PRKCZ: variants seen among roughly 807,000 people sequenced by gnomAD.
The protein encoded by PRKCZ is protein kinase C zeta, also known as protein kinase C zeta type.
Under a neutral mutation model 79.5 loss-of-function variants are expected in PRKCZ, and 33 were observed. The observed-to-expected ratio is 0.41, with a 90% CI of 0.31 to 0.55. The LOEUF (loss-of-function observed/expected upper bound fraction) is 0.55, where lower values mean the gene tolerates loss of function less well. Among genes scored for constraint, PRKCZ ranks in the 20% least tolerant of loss-of-function variants. The probability of loss-of-function intolerance (pLI) is 0.19; values close to 1 mark genes in which losing one functional copy is unlikely to be tolerated. For synonymous variants in PRKCZ, 342 were observed against 320.9 expected (o/e 1.07, Z -0.70); for missense variants, 578 against 813.5 (o/e 0.71, Z 3.52).
At chr1:2,136,398 C>T (rs1256587669) in intron 5 of PRKCZ, among the ~76,000 whole-genome samples, 1 of 152,182 alleles carries the variant, frequency 6.6e-6, no homozygotes, top group East Asian at 1.9e-4. Context: ...AGGAGATGAG[C>T]AGGTCAGCAC....
At chr1:2,135,068 G>T in intron 4 of PRKCZ, 194 bp from the exon 5 acceptor site, 1 of 506,864 alleles carries the variant, frequency 2.0e-6, no homozygotes, top group South Asian at 2.4e-5. Context: ...CGCCGAGGCC[G>T]TGACACCATG....
chr1:2,115,517 C>G (rs1358377911), intron 4 of PRKCZ, among the ~76,000 whole-genome samples: 1 of 152,218 alleles, frequency 6.6e-6, no homozygotes, highest in Non-Finnish European at 1.5e-5. Flanking sequence ...TGTTTCCATT[C>G]AGCTCTGACA....
chr1:2,166,680 C>G (rs1184959609), intron 10 of PRKCZ, among the ~76,000 whole-genome samples: 2 of 152,176 alleles, frequency 1.3e-5, no homozygotes, highest in South Asian at 4.1e-4. Context: ...CCTCAGCCCC[C>G]CCCAGGCCAC....
chr1:2,121,094 G>GT (rs371210268), intron 4 of PRKCZ, among the ~76,000 whole-genome samples: 1,874 of 152,300 alleles, frequency 0.012, 47 homozygotes, highest in African/African-American at 0.042. Context: ...GATTACAGGC[G>GT]TGAGCCACTG....
At chr1:2,162,221 C>T (rs1225185657) in intron 10 of PRKCZ, among the ~76,000 whole-genome samples, 1 of 152,142 alleles carries the variant, frequency 6.6e-6, no homozygotes, top group Admixed American at 6.5e-5. Context: ...AACCTCCGCC[C>T]CCTGGGTTCG....
chr1:2,144,513 A>G (rs1678083237), intron 6 of PRKCZ, 172 bp downstream of exon 6: 68 of 1,428,598 alleles, frequency 4.8e-5, no homozygotes, highest in Non-Finnish European at 6.0e-5. Context: ...GATAGGACCC[A>G]TCTTCCTGAG....
chr1:2,064,764 G>T (rs1419705941), intron 4 of PRKCZ, among the ~76,000 whole-genome samples: 1 of 152,204 alleles, frequency 6.6e-6, no homozygotes, highest in Non-Finnish European at 1.5e-5. Flanking sequence ...CTGTAGCTTT[G>T]TAGGAAGTTT....
chr1:2,124,301 GTAGT>G (rs1292511951), intron 4 of PRKCZ, among the ~76,000 whole-genome samples: 1 of 138,130 alleles, frequency 7.2e-6, no homozygotes, highest in Non-Finnish European at 1.6e-5. Flanking sequence ...CGTCACGGTG[GTAGT>G]TAGGGTCACG....
intron 10 of PRKCZ, among the ~76,000 whole-genome samples, chr1:2,162,910 C>T (rs1024765653): frequency 1.3e-5 from 2 of 152,160 alleles, no homozygotes; most frequent in African/African-American, 4.8e-5. Flanking sequence ...ACTTTCATGG[C>T]TTCTGAGTTC....
intron 10 of PRKCZ, among the ~76,000 whole-genome samples, chr1:2,164,647 A>G (rs1682980127): frequency 6.6e-6 from 1 of 152,058 alleles, no homozygotes; most frequent in Admixed American, 6.5e-5. Context: ...TTCCCTGCAC[A>G]CTCTGGCGTC....
At position 2,178,467 on chromosome 1, in the gene PRKCZ, A is replaced by G. The variant is rs368740747; in HGVS notation, c.1575+3154A>G. Among the ~76,000 whole-genome samples, 55 of 152,268 alleles carry G rather than the reference A, an allele frequency of 3.6e-4. No homozygotes were observed. In the East Asian group the frequency reaches 8.5e-3, roughly 24 times the overall value. The stretch of plus-strand genomic sequence containing the variant: ...ATAGGGTGGCCTCCACTTTCTGGCC[A>G]TTGTGAATTGTGCTGCCGTGAACAC... On this transcript the variant is annotated intron_variant, in intron 16 of 17. Coordinates refer to ENST00000378567, the MANE Select transcript of PRKCZ (RefSeq NM_002744.6). The surrounding 1 kb of genome is among the most constrained non-coding windows in gnomAD (Gnocchi z 4.3).
At chr1:2,163,732 T>C (rs967357832) in intron 10 of PRKCZ, among the ~76,000 whole-genome samples, 16 of 121,904 alleles carry the variant, frequency 1.3e-4, no homozygotes, top group Admixed American at 3.4e-4. Flanking sequence ...CTACTAAAAA[T>C]ACAAAAAAAA....
At chr1:2,118,209 C>G (rs551698723) in intron 4 of PRKCZ, among the ~76,000 whole-genome samples, 25 of 151,628 alleles carry the variant, frequency 1.6e-4, no homozygotes, top group Non-Finnish European at 2.8e-4. Flanking sequence ...GTTGGCCAAG[C>G]TGGTCTTGAA....
intron 10 of PRKCZ, among the ~76,000 whole-genome samples, chr1:2,166,283 G>T (rs1043334794): frequency 6.6e-6 from 1 of 152,190 alleles, no homozygotes; most frequent in African/African-American, 2.4e-5. Context: ...GCTGGCGGTG[G>T]TGGTGCAAGC....
intron 4 of PRKCZ, among the ~76,000 whole-genome samples, chr1:2,119,788 T>C (rs1399309550): frequency 1.8e-5 from 2 of 113,274 alleles, no homozygotes; most frequent in Admixed American, 1.6e-4. Flanking sequence ...TCTTTTCTTT[T>C]CTTTTTTTTT....
At chr1:2,058,722 C>T (rs764060187) in intron 3 of PRKCZ, among the ~76,000 whole-genome samples, 2 of 151,462 alleles carry the variant, frequency 1.3e-5, no homozygotes, top group Non-Finnish European at 2.9e-5. Flanking sequence ...ATGGTGAAAC[C>T]CCATCTCTAC....
At chr1:2,147,216 A>G (rs181750998) in intron 7 of PRKCZ, among the ~76,000 whole-genome samples, 2 of 148,532 alleles carry the variant, frequency 1.3e-5, no homozygotes, top group East Asian at 4.0e-4. Flanking sequence ...TGACCTCTCC[A>G]TCTATCCATC....
At chr1:2,169,244 A>G (rs1290882348) in intron 10 of PRKCZ, 1 of 509,890 alleles carries the variant, frequency 2.0e-6, no homozygotes, top group Non-Finnish European at 3.8e-6. Context: ...TCCGGGGCCC[A>G]CCCACACTTC....
chr1:2,108,022 C>T (rs2102673650), intron 4 of PRKCZ, among the ~76,000 whole-genome samples: 1 of 152,354 alleles, frequency 6.6e-6, no homozygotes, highest in East Asian at 1.9e-4. Flanking sequence ...GGGAGCCTGC[C>T]TCCGTGGGGT....
Sources: allele counts gnomAD v4.1 joint callset (sites outside exome capture counted in the v4.1 genomes callset), GRCh38; gene constraint gnomAD v4.1.1; non-coding constraint Gnocchi (gnomAD v3.1); transcripts MANE v1.5; gene names NCBI Gene and HGNC (gene_info 2026-07-23, HGNC 2026-07-21).